Variants in CNTNAP5 observed in about 807,000 individuals in gnomAD.
CNTNAP5 encodes contactin associated protein family member 5.
CNTNAP5 carries 72 observed loss-of-function variants against 150.2 expected under a neutral mutation model. That is an observed-to-expected ratio of 0.48 (90% confidence interval 0.40 to 0.58). The LOEUF (loss-of-function observed/expected upper bound fraction) is 0.58, where lower values mean the gene tolerates loss of function less well. CNTNAP5 is among the 20% of genes least tolerant of loss of function. The pLI is 0.00. For synonymous variants in CNTNAP5, 672 were observed against 619.8 expected, an observed-to-expected ratio of 1.08 and a Z score of -1.25; for missense variants, 1,636 against 1,626.2, an observed-to-expected ratio of 1.01 and a Z score of -0.10.
intron 6 of CNTNAP5, among the ~76,000 whole-genome samples, chr2:124,447,381 A>G (rs567090448): frequency 6.6e-6 from 1 of 152,322 alleles, no homozygotes; most frequent in African/African-American, 2.4e-5. Context: ...CAAGCTTTTG[A>G]CTAATACCGT....
intron 10 of CNTNAP5, among the ~76,000 whole-genome samples, chr2:124,537,855 T>C (rs1695275548): frequency 6.6e-6 from 1 of 152,150 alleles, no homozygotes; most frequent in Non-Finnish European, 1.5e-5. Context: ...AAATGGTCCT[T>C]CTCCACCTGT....
At chr2:124,892,913 G>A (rs145147969) in intron 21 of CNTNAP5, among the ~76,000 whole-genome samples, 221 of 152,190 alleles carry the variant, frequency 1.5e-3, no homozygotes, top group African/African-American at 5.1e-3. Context: ...CACAGTAAGC[G>A]ATCATCACGC....
intron 2 of CNTNAP5, among the ~76,000 whole-genome samples, chr2:124,230,118 T>A (rs1043916545): frequency 1.3e-5 from 2 of 152,104 alleles, no homozygotes; most frequent in African/African-American, 4.8e-5. Context: ...AGATTTAAAA[T>A]CCTTACCTCC....
At chr2:124,268,613 C>T (rs1687670731) in intron 3 of CNTNAP5, among the ~76,000 whole-genome samples, 1 of 152,192 alleles carries the variant, frequency 6.6e-6, no homozygotes, top group Non-Finnish European at 1.5e-5. Flanking sequence ...TATACTTTCA[C>T]AGCAATGTGG....
chr2:124,245,950 G>T (rs920824928), intron 3 of CNTNAP5, among the ~76,000 whole-genome samples: 2 of 151,796 alleles, frequency 1.3e-5, no homozygotes, highest in Admixed American at 6.6e-5. Flanking sequence ...TCACTATGTT[G>T]CCCAGGCTGG....
chr2:124,417,552 A>G lies in CNTNAP5; in HGVS notation c.491A>G (p.Lys164Arg), dbSNP rs751422237. The G allele has an allele frequency of 6.2e-7, 1 of 1,613,774 alleles. No individual in the cohort carries two copies. Among genetic ancestry groups the G allele is most frequent in the Non-Finnish European group, 8.5e-7 (1 of 1,179,812 alleles). ...FVPLEWNPSG[K>R]IGMRVEVYGC... Reference sequence around the variant, plus strand: ...CCCCTGGAATGGAATCCCAGTGGGAAGATTGGCATGAGAGTCGAGGTCTAC... The same window carrying G: ...CCCCTGGAATGGAATCCCAGTGGGAGGATTGGCATGAGAGTCGAGGTCTAC... The change falls in exon 4 of 24, where the codon AAG (lysine) becomes AGG (arginine). Residue 164 changes from lysine to arginine, a missense_variant. Transcript: ENST00000682447.
intron 1 of CNTNAP5, among the ~76,000 whole-genome samples, chr2:124,171,238 G>A (rs375248241): frequency 2.4e-4 from 36 of 152,246 alleles, no homozygotes; most frequent in African/African-American, 7.9e-4. Flanking sequence ...TTCACTGGCC[G>A]GAAGCTGCTT....
intron 3 of CNTNAP5, among the ~76,000 whole-genome samples, chr2:124,325,916 T>G (rs1055408031): frequency 6.6e-6 from 1 of 152,076 alleles, no homozygotes; most frequent in Admixed American, 6.5e-5. Context: ...CTAAAATGAG[T>G]GAGATGGCTC....
At chr2:124,772,551 A>G (rs1302667473) in intron 16 of CNTNAP5, among the ~76,000 whole-genome samples, 1 of 152,174 alleles carries the variant, frequency 6.6e-6, no homozygotes, top group African/African-American at 2.4e-5. Context: ...TCAGATGAGC[A>G]TGAATGGTCC....
chr2:124,721,298 G>A (rs984310512), intron 13 of CNTNAP5, among the ~76,000 whole-genome samples: 1 of 151,982 alleles, frequency 6.6e-6, no homozygotes, highest in African/African-American at 2.4e-5. Context: ...GACCAACATG[G>A]TGAAACCCCA....
intron 22 of CNTNAP5, among the ~76,000 whole-genome samples, chr2:124,908,975 GT>G (rs1678598214): frequency 6.6e-6 from 1 of 151,850 alleles, no homozygotes; most frequent in Admixed American, 6.6e-5. Flanking sequence ...AAGTAAAAAA[GT>G]TAAAAAAATA....
At chr2:124,203,376 C>G (rs1685776061) in intron 1 of CNTNAP5, among the ~76,000 whole-genome samples, 1 of 152,154 alleles carries the variant, frequency 6.6e-6, no homozygotes, top group Non-Finnish European at 1.5e-5. Flanking sequence ...GTGTTTGTGA[C>G]TTTTCTGGGC....
chr2:124,435,611 T>C (rs1240698326), intron 5 of CNTNAP5, among the ~76,000 whole-genome samples: 1 of 152,194 alleles, frequency 6.6e-6, no homozygotes, highest in Non-Finnish European at 1.5e-5. Flanking sequence ...AGTTATCTTT[T>C]TGTCTTCACT....
chr2:124,851,693 G>A (rs147586460), intron 19 of CNTNAP5, among the ~76,000 whole-genome samples: 4 of 152,294 alleles, frequency 2.6e-5, no homozygotes, highest in African/African-American at 9.6e-5. Context: ...TGAGAGTGAG[G>A]AAGGAGAAGG....
chr2:124,510,980 T>C (rs1351425574), intron 8 of CNTNAP5, among the ~76,000 whole-genome samples: 1 of 152,196 alleles, frequency 6.6e-6, no homozygotes, highest in Non-Finnish European at 1.5e-5. Flanking sequence ...CCAAGTGCCA[T>C]GGGGACCTCT....
intron 4 of CNTNAP5, among the ~76,000 whole-genome samples, chr2:124,418,906 G>A (rs1041959766): frequency 6.6e-6 from 1 of 150,716 alleles, no homozygotes. Context: ...AGGCCGAGGC[G>A]GGTGGATCAC....
intron 13 of CNTNAP5, among the ~76,000 whole-genome samples, chr2:124,668,861 G>A (rs560601747): frequency 1.8e-4 from 27 of 152,272 alleles, no homozygotes; most frequent in Admixed American, 8.5e-4. Context: ...GGGAAGGAAT[G>A]AGGGAAGGTT....
chr2:124,843,984 TG>T (rs1462451402), intron 19 of CNTNAP5, among the ~76,000 whole-genome samples: 1 of 152,166 alleles, frequency 6.6e-6, no homozygotes, highest in Non-Finnish European at 1.5e-5. Context: ...TTATTTCTTT[TG>T]CTCTGCAGAA....
chr2:124,331,343 T>A (rs760786128), intron 3 of CNTNAP5, among the ~76,000 whole-genome samples: 5 of 152,098 alleles, frequency 3.3e-5, no homozygotes, highest in Non-Finnish European at 7.4e-5. Flanking sequence ...ACATATACCA[T>A]GACATATCAG....
Sources: allele counts gnomAD v4.1 joint callset (sites outside exome capture counted in the v4.1 genomes callset), GRCh38; gene constraint gnomAD v4.1.1; transcripts MANE v1.5; gene names NCBI Gene and HGNC (gene_info 2026-07-23, HGNC 2026-07-21).